The following MYO1B variants were observed in gnomAD, a reference collection of about 807,000 sequenced individuals.
MYO1B encodes the protein myosin IB.
Under a neutral mutation model 159.7 loss-of-function variants are expected in MYO1B, and 72 were observed. The observed-to-expected ratio is 0.45, with a 90% CI of 0.37 to 0.55. The LOEUF is 0.55. MYO1B is among the 20% of genes least tolerant of loss of function. The pLI, the probability that MYO1B is intolerant of heterozygous loss-of-function variation, is 0.00. For missense variants in MYO1B, 1,062 were observed against 1,364.8 expected (o/e 0.78, Z 3.50); for synonymous variants, 468 against 473.8 (o/e 0.99, Z 0.16).
At chr2:191,327,770 C>A (rs1021202247) in intron 3 of MYO1B, among the ~76,000 whole-genome samples, 1 of 152,182 alleles carries the variant, frequency 6.6e-6, no homozygotes, top group Admixed American at 6.5e-5. Flanking sequence ...TTCAAAGGAA[C>A]AAGCTAGAAC....
At chr2:191,280,941 G>A (rs1392167526) in intron 2 of MYO1B, among the ~76,000 whole-genome samples, 3 of 152,220 alleles carry the variant, frequency 2.0e-5, no homozygotes, top group African/African-American at 7.2e-5. Context: ...AGACTTTTCT[G>A]CTGGTGAACT....
intron 24 of MYO1B, among the ~76,000 whole-genome samples, chr2:191,404,365 C>G (rs1696787697): frequency 6.6e-6 from 1 of 152,128 alleles, no homozygotes; most frequent in South Asian, 2.1e-4. Flanking sequence ...AGTTATGAGG[C>G]TCAACTAAAT....
intron 24 of MYO1B, among the ~76,000 whole-genome samples, chr2:191,405,117 T>G (rs953862120): frequency 2.0e-5 from 3 of 152,236 alleles, no homozygotes; most frequent in Non-Finnish European, 4.4e-5. Flanking sequence ...TTCCAAATCC[T>G]TTGTTGTCAT....
At chr2:191,274,633 C>T (rs975450857) in intron 1 of MYO1B, among the ~76,000 whole-genome samples, 1 of 152,210 alleles carries the variant, frequency 6.6e-6, no homozygotes, top group Non-Finnish European at 1.5e-5. Context: ...TTTGGCATTA[C>T]ATGGAGCCTG....
At chr2:191,370,114 A>G in intron 12 of MYO1B, 113 bp from the exon 13 acceptor site, 1 of 704,822 alleles carries the variant, frequency 1.4e-6, no homozygotes. Context: ...TAAATTAGTT[A>G]TTTTCTTACT....
At chr2:191,344,042 C>A (rs1375122990) in intron 5 of MYO1B, among the ~76,000 whole-genome samples, 1 of 152,166 alleles carries the variant, frequency 6.6e-6, no homozygotes, top group African/African-American at 2.4e-5. Context: ...TTGCAAATAG[C>A]ACCCTGAATA....
At chr2:191,275,546 A>T (rs1687700892) in intron 1 of MYO1B, among the ~76,000 whole-genome samples, 1 of 152,202 alleles carries the variant, frequency 6.6e-6, no homozygotes, top group African/African-American at 2.4e-5. Flanking sequence ...TGGATGTTCT[A>T]GACTAGAAGT....
At chr2:191,341,370 G>A (rs965151626) in intron 4 of MYO1B, 91 bp from the exon 5 acceptor site, 53 of 943,772 alleles carry the variant, frequency 5.6e-5, no homozygotes, top group Admixed American at 4.4e-4. Flanking sequence ...TGAAAATGCC[G>A]TTAGTGGGTC....
chr2:191,368,980 A>T (rs1015167071), intron 11 of MYO1B, among the ~76,000 whole-genome samples: 7 of 152,182 alleles, frequency 4.6e-5, no homozygotes, highest in Non-Finnish European at 8.8e-5. Flanking sequence ...TCTCCAAAAA[A>T]ATTTAAAAAT....
intron 1 of MYO1B, among the ~76,000 whole-genome samples, chr2:191,266,522 G>T (rs576926113): frequency 3.3e-5 from 5 of 152,192 alleles, no homozygotes; most frequent in Non-Finnish European, 7.3e-5. Flanking sequence ...TTGAAAAATG[G>T]TGCAGTGTTG....
intron 13 of MYO1B, among the ~76,000 whole-genome samples, chr2:191,378,361 GAGTC>G (rs1233472944): frequency 2.0e-5 from 3 of 152,122 alleles, no homozygotes; most frequent in Non-Finnish European, 4.4e-5. Context: ...TCTGAAAAGA[GAGTC>G]AGCAAAGGGT....
intron 17 of MYO1B, 24 bp downstream of exon 17, chr2:191,387,474 C>G: frequency 6.2e-7 from 1 of 1,600,678 alleles, no homozygotes; most frequent in Non-Finnish European, 8.6e-7. Flanking sequence ...ATGAAACTTT[C>G]ACAGTTCAAA....
chr2:191,294,516 G>A (rs539626657), intron 2 of MYO1B, among the ~76,000 whole-genome samples: 18 of 152,270 alleles, frequency 1.2e-4, no homozygotes, highest in African/African-American at 2.2e-4. Flanking sequence ...AGTGTCAGGC[G>A]TCTCCCATCT....
intron 3 of MYO1B, among the ~76,000 whole-genome samples, chr2:191,325,845 A>G (rs1691024965): frequency 6.6e-6 from 1 of 152,188 alleles, no homozygotes; most frequent in Admixed American, 6.5e-5. Flanking sequence ...GACAGAAAAT[A>G]ACAGATGAGC....
At chr2:191,262,709 C>T (rs150772938) in intron 1 of MYO1B, among the ~76,000 whole-genome samples, 2,863 of 152,070 alleles carry the variant, frequency 0.019, 72 homozygotes, top group Admixed American at 0.076. Context: ...ATCCCAGCTT[C>T]ATTGTTCATC....
intron 6 of MYO1B, among the ~76,000 whole-genome samples, chr2:191,348,956 T>C (rs1692744738): frequency 6.6e-6 from 1 of 152,218 alleles, no homozygotes; most frequent in East Asian, 1.9e-4. Context: ...TGCCTACTCC[T>C]TCCTGGTCTC....
At chr2:191,257,094 G>A (rs961313226) in intron 1 of MYO1B, among the ~76,000 whole-genome samples, 10 of 152,130 alleles carry the variant, frequency 6.6e-5, no homozygotes, top group Non-Finnish European at 1.2e-4. Context: ...TTTACCTACT[G>A]TCATGCAGAA....
chr2:191,273,146 TCTCA>T (rs922040994), intron 1 of MYO1B, among the ~76,000 whole-genome samples: 1 of 152,104 alleles, frequency 6.6e-6, no homozygotes, highest in African/African-American at 2.4e-5. Flanking sequence ...TGAGACAGGG[TCTCA>T]CTCTGTTGCC....
intron 15 of MYO1B, among the ~76,000 whole-genome samples, chr2:191,383,555 T>C (rs1695222455): frequency 6.8e-6 from 1 of 146,704 alleles, no homozygotes; most frequent in South Asian, 2.2e-4. Context: ...CACATATATA[T>C]ATATGTTAAG....
Sources: gnomAD v4.1 joint callset for allele counts (sites outside exome capture counted in the v4.1 genomes callset) on GRCh38, gnomAD v4.1.1 for gene constraint, MANE v1.5 for transcripts, NCBI Gene and HGNC (gene_info 2026-07-23, HGNC 2026-07-21) for gene names.